The following TXNDC12 variants were observed in gnomAD, a reference collection of about 807,000 sequenced individuals.
TXNDC12 encodes thioredoxin domain-containing protein 12.
Under a neutral mutation model 24.2 loss-of-function variants are expected in TXNDC12, and 22 were observed. That is an observed-to-expected ratio of 0.91 (90% CI 0.65 to 1.30). The LOEUF is 1.30. Among genes scored for constraint, TXNDC12 ranks in the 50% most tolerant of loss-of-function variants. TXNDC12 has a pLI of 0.00. For missense variants in TXNDC12, 184 were observed against 205.8 expected (o/e 0.89, Z 0.65); for synonymous variants, 58 against 73.4 (o/e 0.79, Z 1.07).
intron 1 of TXNDC12, among the ~76,000 whole-genome samples, chr1:52,053,833 G>C (rs571710733): frequency 6.6e-6 from 1 of 152,290 alleles, no homozygotes; most frequent in African/African-American, 2.4e-5. Flanking sequence ...CATAATTCAA[G>C]TGATGCCAGC....
In TXNDC12 at chr1:52,020,416, GA is replaced by G. The variant is rs1685575189; in HGVS notation, c.*516del. 5 of 260,650 alleles carry G rather than the reference GA, an allele frequency of 1.9e-5. No individual in the cohort carries two copies. Among genetic ancestry groups the G allele is most frequent in the Non-Finnish European group, 3.0e-5 (4 of 131,708 alleles). 16.1% of individuals were successfully genotyped at this position (260,650 alleles called of 1,614,324 possible). Reference sequence around the variant, plus strand: ...AAGAAGCCCACAATTATTCCCAGGAGAAAAAAGGGAAAAAACAGGCTGATAT... The same window carrying G: ...AAGAAGCCCACAATTATTCCCAGGAGAAAAAGGGAAAAAACAGGCTGATAT... On this transcript the variant is annotated 3_prime_UTR_variant, in exon 7 of 7. Coordinates refer to ENST00000371626, the MANE Select transcript of TXNDC12 (RefSeq NM_015913.4).
Position 52,020,353 on chromosome 1 carries a change from C to T in TXNDC12, c.*580G>A. 2.5e-6 allele frequency: 1 copy of T among 395,724 alleles called. No individual in the cohort carries two copies. Among genetic ancestry groups the T allele is most frequent in the South Asian group, 2.7e-5 (1 of 36,830 alleles). 24.5% of individuals were successfully genotyped at this position (395,724 alleles called of 1,614,324 possible). On this transcript the variant is annotated 3_prime_UTR_variant, in exon 7 of 7. Transcript: ENST00000371626. ...ACGCATGCGTGCAAACAGGGAAGCTCAAGCATGAGAAGAGGAAAGAGGCTG... is the reference window on the plus strand; with the variant it reads ...ACGCATGCGTGCAAACAGGGAAGCTTAAGCATGAGAAGAGGAAAGAGGCTG...
At position 52,033,698 on chromosome 1, in the gene TXNDC12, G is replaced by T. The variant is rs762978393; in HGVS notation, c.159-5068C>A. 1.9e-6 allele frequency: 3 copies of T among 1,611,016 alleles called. No individual in the cohort carries two copies. In the Admixed American group the frequency reaches 5.0e-5, roughly 27 times the overall value. ...CGGCCCTCGGCAGCCAGCGCCACGC[G>T]CAACTCTTCAGCACGCCGGCTCTTG... is the stretch of plus-strand genomic sequence containing the variant. On this transcript the variant is annotated intron_variant, in intron 2 of 6. Transcript: ENST00000371626.
At chr1:52,030,779 G>A (rs1224009191) in intron 2 of TXNDC12, among the ~76,000 whole-genome samples, 4 of 152,128 alleles carry the variant, frequency 2.6e-5, no homozygotes, top group South Asian at 2.1e-4. Context: ...GTCTGCTTCC[G>A]TAGGGCCCAT....
At chr1:52,032,889 G>C in intron 2 of TXNDC12, 1 of 1,613,300 alleles carries the variant, frequency 6.2e-7, no homozygotes, top group Non-Finnish European at 8.5e-7. Context: ...CGGGGACAGC[G>C]CTCTTCTGCG....
intron 6 of TXNDC12, among the ~76,000 whole-genome samples, chr1:52,022,890 CG>C (rs1030614453): frequency 2.0e-5 from 3 of 152,128 alleles, no homozygotes; most frequent in African/African-American, 7.2e-5. Flanking sequence ...CCTCCCGCCT[CG>C]GCCTCCCAAA....
chr1:52,055,138 G>A lies in TXNDC12; in HGVS notation c.-42C>T. ...GGCCACGGGGCTGAGCGGACGCAGGGCCGGAGTCCCAGCAGACGGTCCACA... is the reference window on the plus strand; with the variant it reads ...GGCCACGGGGCTGAGCGGACGCAGGACCGGAGTCCCAGCAGACGGTCCACA... On this transcript the variant is annotated 5_prime_UTR_variant, in exon 1 of 7. Coordinates refer to ENST00000371626, the MANE Select transcript of TXNDC12 (RefSeq NM_015913.4). 1 of 1,423,086 alleles carries A rather than the reference G, an allele frequency of 7.0e-7. No homozygotes were observed. The highest frequency in any genetic ancestry group is 1.8e-4 in the Middle Eastern group (1 of 5,644). The allele number at this position is 1,423,086 out of a possible 1,614,324, so 88.2% of individuals were successfully genotyped here.
At position 52,041,518 on chromosome 1, in the gene TXNDC12, C is replaced by G; in HGVS notation, c.158+19G>C. The G allele has an allele frequency of 6.3e-7, 1 of 1,592,704 alleles. No homozygotes were observed. Among genetic ancestry groups the G allele is most frequent in the Non-Finnish European group, 8.6e-7 (1 of 1,161,972 alleles). On this transcript the variant is annotated intron_variant, in intron 2 of 6. Coordinates refer to ENST00000371626, the MANE Select transcript of TXNDC12 (RefSeq NM_015913.4). ...AAAGTGTTTTACCACCATAAATGAC[C>G]TAAAACCATGTCTTGTACCTGGCAG...
intron 6 of TXNDC12, among the ~76,000 whole-genome samples, chr1:52,022,593 T>C (rs1281569230): frequency 2.6e-5 from 4 of 152,034 alleles, no homozygotes; most frequent in African/African-American, 9.7e-5. Context: ...AGAGATGAAA[T>C]TTTTATCCTT....
chr1:52,026,740 A>C (rs1013004491), intron 4 of TXNDC12, among the ~76,000 whole-genome samples: 3 of 152,140 alleles, frequency 2.0e-5, no homozygotes, highest in Non-Finnish European at 4.4e-5. Context: ...ATATCTACTA[A>C]AAATACAAAA....
intron 1 of TXNDC12, among the ~76,000 whole-genome samples, chr1:52,054,498 C>T (rs1686286301): frequency 6.6e-6 from 1 of 152,222 alleles, no homozygotes. Flanking sequence ...GACCTTCTAC[C>T]ATTCGCTTGG....
intron 2 of TXNDC12, chr1:52,032,865 C>A: frequency 6.2e-7 from 1 of 1,614,144 alleles, no homozygotes; most frequent in Non-Finnish European, 8.5e-7. Flanking sequence ...TACCAGGAAG[C>A]GTGAGCAAGT....
In TXNDC12 at chr1:52,055,111, G is replaced by A. The variant is rs368805004; in HGVS notation, c.-15C>T. On this transcript the variant is annotated 5_prime_UTR_variant, in exon 1 of 7. Transcript: ENST00000371626. ...CGCGTCTCCATGGCAGTAGGTGCGC[G>A]GGGCCACGGGGCTGAGCGGACGCAG... 128 of 1,598,330 alleles carry A rather than the reference G, an allele frequency of 8.0e-5. No homozygotes were observed. Among genetic ancestry groups the A allele is most frequent in the Non-Finnish European group, 9.3e-5 (109 of 1,166,140 alleles).
At chr1:52,037,247 T>A (rs893323134) in intron 2 of TXNDC12, among the ~76,000 whole-genome samples, 1 of 149,622 alleles carries the variant, frequency 6.7e-6, no homozygotes, top group African/African-American at 2.5e-5. Context: ...AATTTCACTC[T>A]TGTTGCCTAG....
intron 2 of TXNDC12, among the ~76,000 whole-genome samples, chr1:52,039,076 A>C (rs1685938866): frequency 7.6e-6 from 1 of 131,604 alleles, no homozygotes; most frequent in South Asian, 2.7e-4. Context: ...AGGCCAGAGC[A>C]AGACACCGTC....
At chr1:52,033,179 A>T in intron 2 of TXNDC12, 3 of 1,614,198 alleles carry the variant, frequency 1.9e-6, no homozygotes, top group Non-Finnish European at 2.5e-6. Flanking sequence ...TGCTTTGCAG[A>T]TTTCTCTGAA....
At position 52,050,538 on chromosome 1, in the gene TXNDC12, G is replaced by GA. The variant is rs560972183; in HGVS notation, c.97+4461dup. Among the ~76,000 whole-genome samples the GA allele has an allele frequency of 1.4e-3, 207 of 152,248 alleles. No individual in the cohort carries two copies. In the Middle Eastern group the frequency reaches 0.014, roughly 10 times the overall value. On this transcript the variant is annotated intron_variant, in intron 1 of 6. Coordinates refer to ENST00000371626, the MANE Select transcript of TXNDC12 (RefSeq NM_015913.4). ...TAATGAATGTAAGCTAAAGACATCT[G>GA]AAAAGTATTATCCACCCCCTCCTAG...
chr1:52,039,087 T>TGAAAA (rs1685939409), intron 2 of TXNDC12, among the ~76,000 whole-genome samples: 1 of 5,704 alleles, frequency 1.8e-4, no homozygotes, highest in East Asian at 5.1e-3. Flanking sequence ...AGACACCGTC[T>TGAAAA]CAAAAAAAAA....
chr1:52,033,042 G>C (rs762703904), intron 2 of TXNDC12: 1 of 1,578,770 alleles, frequency 6.3e-7, no homozygotes, highest in South Asian at 1.2e-5. Context: ...TCCCCGCCAG[G>C]GGCAACGGCT....
Sources: allele counts gnomAD v4.1 joint callset (sites outside exome capture counted in the v4.1 genomes callset), GRCh38; gene constraint gnomAD v4.1.1; transcripts MANE v1.5; gene names NCBI Gene and HGNC (gene_info 2026-07-23, HGNC 2026-07-21).